DGKB: variants seen among roughly 807,000 people sequenced by gnomAD.
DGKB encodes the protein diacylglycerol kinase beta.
In DGKB, 67 loss-of-function variants were observed where a neutral mutation model predicts 114.3. The observed-to-expected ratio is 0.59, with a 90% confidence interval of 0.48 to 0.72. The LOEUF is 0.72. Ranked by LOEUF, DGKB falls within the 30% of genes least tolerant of loss-of-function variation. DGKB has a pLI of 0.00. For missense variants in DGKB, 907 were observed against 975.2 expected (o/e 0.93, Z 0.93); for synonymous variants, 398 against 323.1 (o/e 1.23, Z -2.49).
At chr7:14,313,398 G>A (rs978799290) in intron 23 of DGKB, among the ~76,000 whole-genome samples, 31 of 151,994 alleles carry the variant, frequency 2.0e-4, no homozygotes, top group Non-Finnish European at 3.5e-4. Flanking sequence ...GACAGTGGGC[G>A]CAGGTCAGTG....
chr7:14,321,458 T>G (rs895488185), intron 23 of DGKB, among the ~76,000 whole-genome samples: 3 of 152,034 alleles, frequency 2.0e-5, no homozygotes, highest in African/African-American at 7.2e-5. Context: ...AAAAGGTGTA[T>G]CCATAAAAGT....
intron 21 of DGKB, among the ~76,000 whole-genome samples, chr7:14,373,102 C>T (rs1817939719): frequency 6.6e-6 from 1 of 152,146 alleles, no homozygotes; most frequent in Admixed American, 6.5e-5. Flanking sequence ...CCTTCTTGCA[C>T]ATTGAATGAC....
chr7:14,923,015 C>T (rs548851563), intron 1 of DGKB, among the ~76,000 whole-genome samples: 1 of 152,178 alleles, frequency 6.6e-6, no homozygotes. Context: ...CTCCATCCCT[C>T]CTTTTCCACC....
At chr7:14,722,749 T>C (rs1829391362) in intron 5 of DGKB, among the ~76,000 whole-genome samples, 3 of 151,810 alleles carry the variant, frequency 2.0e-5, no homozygotes, top group Admixed American at 6.6e-5. Context: ...GAGGTGGAGG[T>C]TGCAGTGAGC....
At chr7:14,609,154 G>T (rs985411789) in intron 16 of DGKB, among the ~76,000 whole-genome samples, 1 of 151,656 alleles carries the variant, frequency 6.6e-6, no homozygotes, top group Non-Finnish European at 1.5e-5. Context: ...ACACCATAAG[G>T]CTACAGTAAC....
chr7:14,297,741 G>C (rs916419839), intron 23 of DGKB, among the ~76,000 whole-genome samples: 2 of 152,020 alleles, frequency 1.3e-5, no homozygotes, highest in African/African-American at 4.8e-5. Context: ...AGGGTATTCA[G>C]ATAGGAAGAG....
At position 14,548,611 on chromosome 7, in the gene DGKB, C is replaced by G. The variant is rs573130759; in HGVS notation, c.1770+25601G>C. Reference sequence around the variant, plus strand: ...TAAAGTAAAAGCATCTTAGAAACTACAGGCAGTTTCTGGAGATGAGATTGG... The same window carrying G: ...TAAAGTAAAAGCATCTTAGAAACTAGAGGCAGTTTCTGGAGATGAGATTGG... On this transcript the variant is annotated intron_variant, in intron 20 of 25. Transcript: ENST00000402815. Among the ~76,000 whole-genome samples, 3 of 152,244 alleles carry G rather than the reference C, an allele frequency of 2.0e-5. No homozygotes were observed. The South Asian group carries it at 6.2e-4, about 32-fold the overall frequency.
intron 20 of DGKB, among the ~76,000 whole-genome samples, chr7:14,560,032 T>C (rs1796430103): frequency 1.3e-5 from 2 of 149,180 alleles, no homozygotes; most frequent in African/African-American, 4.9e-5. Flanking sequence ...ATTTATTCAA[T>C]CTTCTGCCCA....
intron 10 of DGKB, among the ~76,000 whole-genome samples, chr7:14,684,241 A>G (rs982699162): frequency 5.9e-5 from 9 of 152,192 alleles, no homozygotes; most frequent in African/African-American, 2.2e-4. Flanking sequence ...ATTCTCAAAC[A>G]TATTACCAAA....
intron 25 of DGKB, among the ~76,000 whole-genome samples, chr7:14,155,851 G>A (rs772422073): frequency 4.6e-5 from 7 of 152,044 alleles, no homozygotes; most frequent in South Asian, 2.1e-4. Context: ...TGAGGGTGAC[G>A]TTCTGAAGGA....
intron 2 of DGKB, among the ~76,000 whole-genome samples, chr7:14,794,780 G>C (rs1841169350): frequency 6.6e-6 from 1 of 152,184 alleles, no homozygotes; most frequent in African/African-American, 2.4e-5. Flanking sequence ...ACGTGGGATA[G>C]ATCCTGATGA....
intron 13 of DGKB, among the ~76,000 whole-genome samples, chr7:14,640,237 G>C (rs942671948): frequency 6.6e-6 from 1 of 152,152 alleles, no homozygotes; most frequent in African/African-American, 2.4e-5. Flanking sequence ...TTTTATTAAA[G>C]ATCTGTGACA....
chr7:14,418,243 A>G (rs900388078), intron 21 of DGKB, among the ~76,000 whole-genome samples: 5 of 129,252 alleles, frequency 3.9e-5, no homozygotes, highest in African/African-American at 5.3e-5. Flanking sequence ...TATTTTATAT[A>G]TGTGTGTATA....
chr7:14,481,678 T>C (rs1487123241), intron 20 of DGKB, among the ~76,000 whole-genome samples: 2 of 152,124 alleles, frequency 1.3e-5, no homozygotes, highest in East Asian at 3.8e-4. Context: ...TTAAAAGTAA[T>C]CTTGCATACT....
At chr7:14,969,739 G>A (rs1378675967) in intron 1 of DGKB, among the ~76,000 whole-genome samples, 1 of 152,080 alleles carries the variant, frequency 6.6e-6, no homozygotes, top group Non-Finnish European at 1.5e-5. Context: ...ATGCCAAAAC[G>A]GTTTGGACCA....
chr7:14,292,687 C>T (rs978144869), intron 23 of DGKB, among the ~76,000 whole-genome samples: 1 of 152,124 alleles, frequency 6.6e-6, no homozygotes, highest in Non-Finnish European at 1.5e-5. Flanking sequence ...ATGAATTGTG[C>T]TGCTACCCCA....
At chr7:14,329,948 A>T (rs572470107) in intron 23 of DGKB, among the ~76,000 whole-genome samples, 1 of 152,032 alleles carries the variant, frequency 6.6e-6, no homozygotes, top group East Asian at 1.9e-4. Flanking sequence ...GTGATCTGCC[A>T]CTATTTTCAA....
chr7:14,567,793 G>C (rs916304808), intron 20 of DGKB, among the ~76,000 whole-genome samples: 1 of 150,938 alleles, frequency 6.6e-6, no homozygotes, highest in African/African-American at 2.4e-5. Context: ...TTTTAGTAGA[G>C]GTGCGGTTTT....
chr7:14,531,359 G>C (rs1448963484), intron 20 of DGKB, among the ~76,000 whole-genome samples: 1 of 151,334 alleles, frequency 6.6e-6, no homozygotes, highest in Non-Finnish European at 1.5e-5. Context: ...AGTTTGGCAA[G>C]GGCACAAGAT....
Sources: gnomAD v4.1 joint callset for allele counts (sites outside exome capture counted in the v4.1 genomes callset) on GRCh38, gnomAD v4.1.1 for gene constraint, MANE v1.5 for transcripts, NCBI Gene and HGNC (gene_info 2026-07-23, HGNC 2026-07-21) for gene names.